TTC28: variants seen among roughly 807,000 people sequenced by gnomAD.
The protein encoded by TTC28 is tetratricopeptide repeat domain 28.
TTC28 carries 61 observed loss-of-function variants against 198.0 expected under a neutral mutation model. The ratio of observed to expected loss-of-function variants is 0.31; its 90% CI spans 0.25 to 0.38. The LOEUF (loss-of-function observed/expected upper bound fraction) is 0.38. TTC28 is among the 10% of genes least tolerant of loss of function. The pLI is 1.00. For synonymous variants in TTC28, 1,171 were observed against 1,297.8 expected (o/e 0.90, Z 2.10); for missense variants, 2,678 against 3,164.0 (o/e 0.85, Z 3.69).
rs1338782552 is a variant in TTC28 at position 28,383,504 on chromosome 22, C to A, written c.382-76861G>T. Among the ~76,000 whole-genome samples, 3 of 152,170 alleles carry A rather than the reference C, an allele frequency of 2.0e-5. No individual in the cohort carries two copies. In the East Asian group the frequency reaches 5.8e-4, roughly 29 times the overall value. Reference sequence around the variant, plus strand: ...CTCCACTTGGATATCTAATAAACATCAAAAACTGAACTCTTACTTCTAACT... The same window carrying A: ...CTCCACTTGGATATCTAATAAACATAAAAAACTGAACTCTTACTTCTAACT... On this transcript the variant is annotated intron_variant, in intron 2 of 22. Coordinates refer to ENST00000397906, the MANE Select transcript of TTC28 (RefSeq NM_001145418.2).
intron 12 of TTC28, among the ~76,000 whole-genome samples, chr22:28,087,199 A>T (rs1442924093): frequency 1.3e-5 from 2 of 152,254 alleles, no homozygotes; most frequent in South Asian, 4.1e-4. Context: ...CCGGGCAGAG[A>T]CAAAACAAAA....
chr22:28,408,300 G>C (rs947201355), intron 2 of TTC28, among the ~76,000 whole-genome samples: 6 of 152,124 alleles, frequency 3.9e-5, no homozygotes, highest in African/African-American at 1.4e-4. Context: ...TCTAAAGTCT[G>C]TTCCACCCAG....
chr22:27,982,640 C>T lies in TTC28; in HGVS notation c.7027G>A (p.Asp2343Asn), dbSNP rs1204498390. Reference protein sequence around the residue: ...RSSPADAPDIDKLKMAAIDEK... With the variant: ...RSSPADAPDINKLKMAAIDEK... ...TCAATGGCTGCCATTTTCAGTTTGT[C>T]TATGTCGGGAGCGTCTGCTGGACTT... The change falls in exon 23 of 23, where the codon GAC (aspartate) becomes AAC (asparagine). Residue 2343 changes from aspartate (D) to asparagine (N), a missense_variant. Asp to Asn is a conservative substitution (Grantham distance 23). Around this residue, in one of 8 missense-constraint regions of TTC28, gnomAD observed 622 missense variants for 656.0 expected, o/e 0.95. Coordinates refer to ENST00000397906, the MANE Select transcript of TTC28 (RefSeq NM_001145418.2). This position sits in a 1 kb window ranked among gnomAD's most constrained non-coding sequence, Gnocchi z 5.2. 5 of 1,551,610 alleles carry T rather than the reference C, an allele frequency of 3.2e-6. No homozygotes were observed. Among genetic ancestry groups the T allele is most frequent in the Non-Finnish European group, 4.4e-6 (5 of 1,147,020 alleles).
intron 2 of TTC28, among the ~76,000 whole-genome samples, chr22:28,495,003 G>A (rs1198666279): frequency 6.6e-6 from 1 of 152,006 alleles, no homozygotes; most frequent in African/African-American, 2.4e-5. Context: ...AAGAATTCTG[G>A]TTGAATATTA....
chr22:28,390,370 A>G (rs991289398), intron 2 of TTC28, among the ~76,000 whole-genome samples: 1 of 152,132 alleles, frequency 6.6e-6, no homozygotes, highest in African/African-American at 2.4e-5. Context: ...CACTTGGTGC[A>G]GAGCTGAGTT....
At chr22:28,610,411 C>T (rs1464604208) in intron 2 of TTC28, among the ~76,000 whole-genome samples, 11 of 152,128 alleles carry the variant, frequency 7.2e-5, no homozygotes, top group Non-Finnish European at 1.3e-4. Flanking sequence ...CAATCTTTGC[C>T]GTTCTGCAGC....
chr22:27,987,480 C>G (rs528704631), intron 21 of TTC28, among the ~76,000 whole-genome samples: 1 of 152,146 alleles, frequency 6.6e-6, no homozygotes, highest in Non-Finnish European at 1.5e-5. Flanking sequence ...GCCTATAATC[C>G]CAACACTTTG....
chr22:28,544,388 A>C lies in TTC28; in HGVS notation c.381+85164T>G, dbSNP rs189938031. ...TAAAAGAAAGCATTTGATAGTATTC[A>C]AGATCCATTCATAATATACTTTTTA... is the stretch of plus-strand genomic sequence containing the variant. On this transcript the variant is annotated intron_variant, in intron 2 of 22. Coordinates refer to ENST00000397906, the MANE Select transcript of TTC28 (RefSeq NM_001145418.2). Among the ~76,000 whole-genome samples the C allele has an allele frequency of 3.9e-3, 598 of 152,354 alleles. 2 individuals are homozygous for C. Among genetic ancestry groups the C allele is most frequent in the Admixed American group, 7.4e-3 (113 of 15,302 alleles).
At chr22:28,079,999 G>A (rs1941290050) in intron 12 of TTC28, among the ~76,000 whole-genome samples, 1 of 152,190 alleles carries the variant, frequency 6.6e-6, no homozygotes, top group South Asian at 2.1e-4. Context: ...GAAGTGCTGA[G>A]ATTATAGGCA....
At chr22:28,079,779 T>C (rs899200732) in intron 12 of TTC28, among the ~76,000 whole-genome samples, 18 of 152,220 alleles carry the variant, frequency 1.2e-4, no homozygotes, top group African/African-American at 4.3e-4. Flanking sequence ...CCTAGGCTGG[T>C]GTACAGTGGC....
intron 5 of TTC28, among the ~76,000 whole-genome samples, chr22:28,285,311 G>A (rs893881853): frequency 2.0e-5 from 3 of 152,166 alleles, no homozygotes; most frequent in Admixed American, 6.5e-5. Context: ...AATACTGTAC[G>A]ATTTTACTTA....
chr22:28,591,564 G>A (rs1427618910), intron 2 of TTC28, among the ~76,000 whole-genome samples: 1 of 152,048 alleles, frequency 6.6e-6, no homozygotes, highest in African/African-American at 2.4e-5. Flanking sequence ...AGGTCCACGT[G>A]CTTTTTAAAA....
intron 21 of TTC28, chr22:27,986,453 C>G (rs1477604754): frequency 6.6e-6 from 1 of 152,224 alleles, no homozygotes; most frequent in Non-Finnish European, 1.5e-5. Flanking sequence ...ACAGGGACCA[C>G]AAAGCAAGAA....
chr22:28,289,073 G>A (rs988089312), intron 5 of TTC28, among the ~76,000 whole-genome samples: 2 of 152,162 alleles, frequency 1.3e-5, no homozygotes, highest in African/African-American at 4.8e-5. Context: ...CAACAGTCTA[G>A]GTAAAAGAGA....
chr22:28,621,133 T>G (rs1489195098), intron 2 of TTC28, among the ~76,000 whole-genome samples: 4 of 152,356 alleles, frequency 2.6e-5, no homozygotes, highest in Admixed American at 2.6e-4. Context: ...ATTGAGCTTA[T>G]GTTGAGAAAT....
chr22:28,032,234 AAATATATATATAT>A lies in TTC28; in HGVS notation c.3933-1881_3933-1869del, dbSNP rs1939146693. Among the ~76,000 whole-genome samples the A allele has an allele frequency of 2.7e-5, 3 of 112,910 alleles. 1 individual carries two copies. Among genetic ancestry groups the A allele is most frequent in the Non-Finnish European group, 5.3e-5 (3 of 56,284 alleles). The allele number at this position is 112,910 out of a possible 152,430, so 74.1% of individuals were successfully genotyped here. A position where few individuals can be genotyped will look rare whatever the true frequency, so the allele number is the denominator to read the frequency against. On this transcript the variant is annotated intron_variant, in intron 12 of 22. Coordinates refer to ENST00000397906, the MANE Select transcript of TTC28 (RefSeq NM_001145418.2). Reference sequence around the variant, plus strand: ...TATATATATAAAATATATATATATAAAATATATATATATAAAATATATATATATATATAGTGTG... The same window carrying A: ...TATATATATAAAATATATATATATAAAAAATATATATATATATATAGTGTG...
At chr22:28,338,667 C>T (rs1255947309) in intron 2 of TTC28, among the ~76,000 whole-genome samples, 1 of 152,176 alleles carries the variant, frequency 6.6e-6, no homozygotes, top group Non-Finnish European at 1.5e-5. Flanking sequence ...ATGTAGTTCT[C>T]GTGCCGTGGT....
Position 28,382,975 on chromosome 22 carries a change from T to C in TTC28, c.382-76332A>G, listed in dbSNP as rs540330629. On this transcript the variant is annotated intron_variant, in intron 2 of 22. Transcript: ENST00000397906. ...TGACCTCTAGTATTGTTAAAAATGA[T>C]GACCAATTCTCAATCTCATCTTACT... is the stretch of plus-strand genomic sequence containing the variant. 2.7e-4 allele frequency among the ~76,000 whole-genome samples: 41 copies of C among 152,316 alleles called. 1 individual carries two copies. In the South Asian group the frequency reaches 8.5e-3, roughly 32 times the overall value.
rs531648168 is a variant in TTC28, at chr22:28,080,569, G to C, written c.3932+13511C>G. On this transcript the variant is annotated intron_variant, in intron 12 of 22. Coordinates refer to ENST00000397906, the MANE Select transcript of TTC28 (RefSeq NM_001145418.2). Reference sequence around the variant, plus strand: ...TTGTTGTTGTTGTTAAGTTGTAGGAGTTTTTATATATTCTGGATATTATCA... The same window carrying C: ...TTGTTGTTGTTGTTAAGTTGTAGGACTTTTTATATATTCTGGATATTATCA... 2.0e-5 allele frequency among the ~76,000 whole-genome samples: 3 copies of C among 150,788 alleles called. No individual in the cohort carries two copies. In the South Asian group the frequency reaches 6.2e-4, roughly 31 times the overall value.
Sources: allele counts gnomAD v4.1 joint callset (sites outside exome capture counted in the v4.1 genomes callset), GRCh38; gene constraint gnomAD v4.1.1; regional missense constraint gnomAD v4.1.1; non-coding constraint Gnocchi (gnomAD v3.1); transcripts MANE v1.5; gene names NCBI Gene and HGNC (gene_info 2026-07-23, HGNC 2026-07-21).